Variants in LAMA4 observed in about 807,000 individuals in gnomAD.
LAMA4 encodes laminin subunit alpha 4, also known as laminin subunit alpha-4.
In LAMA4, 127 loss-of-function variants were observed where a neutral mutation model predicts 207.1. The ratio of observed to expected loss-of-function variants is 0.61; its 90% CI spans 0.53 to 0.71. The LOEUF is 0.71. LAMA4 is among the 30% of genes least tolerant of loss of function. LAMA4 has a pLI of 0.00. For synonymous variants in LAMA4, 761 were observed against 816.0 expected (o/e 0.93, Z 1.15); for missense variants, 2,093 against 2,246.5 (o/e 0.93, Z 1.38).
intron 5 of LAMA4, among the ~76,000 whole-genome samples, chr6:112,195,024 A>G (rs1783330564): frequency 6.6e-6 from 1 of 152,200 alleles, no homozygotes; most frequent in Admixed American, 6.5e-5. Context: ...AGAAAAAAAG[A>G]TTATTTTGAC....
At chr6:112,121,374 TACTGATTCTGCCTATTAGGCAGGTAGCAA>T (rs760911568) in intron 32 of LAMA4, among the ~76,000 whole-genome samples, 33 of 152,358 alleles carry the variant, frequency 2.2e-4, no homozygotes, top group Non-Finnish European at 4.0e-4. Flanking sequence ...AAATACAAAA[TACTGATTCTGCCTATTAGGCAGGTAGCAA>T]ATTATAAGGT....
chr6:112,144,980 TATTTC>T lies in LAMA4; in HGVS notation c.2354-52_2354-48del, dbSNP rs537612111. 222 of 1,497,538 alleles carry T rather than the reference TATTTC, an allele frequency of 1.5e-4. 1 individual carries two copies. The East Asian group carries it at 5.3e-3, about 36-fold the overall frequency. 92.8% of individuals were successfully genotyped at this position (1,497,538 alleles called of 1,614,324 possible). A position where few individuals can be genotyped will look rare whatever the true frequency, so the allele number is the denominator to read the frequency against. ...CATTTAAGAAAATAACTCAATATTA[TATTTC>T]AAGAATCAGATGTAGACAATAAACA... is the stretch of plus-strand genomic sequence containing the variant. On this transcript the variant is annotated intron_variant, in intron 18 of 38. Transcript: ENST00000230538.
At chr6:112,119,858 T>C (rs1778246038) in intron 33 of LAMA4, among the ~76,000 whole-genome samples, 1 of 152,228 alleles carries the variant, frequency 6.6e-6, no homozygotes, top group African/African-American at 2.4e-5. Context: ...ACTCTTGACA[T>C]TACATACCCA....
At chr6:112,213,044 C>T (rs1554357310) in intron 3 of LAMA4, among the ~76,000 whole-genome samples, 2 of 152,170 alleles carry the variant, frequency 1.3e-5, no homozygotes, top group Non-Finnish European at 2.9e-5. Context: ...GGATTGCTTC[C>T]CTTCTCATTG....
intron 2 of LAMA4, among the ~76,000 whole-genome samples, chr6:112,246,136 CCA>C (rs1786904292): frequency 6.6e-6 from 1 of 152,164 alleles, no homozygotes; most frequent in Non-Finnish European, 1.5e-5. Flanking sequence ...TTTAACTTTA[CCA>C]CACCAAGAGC....
intron 2 of LAMA4, among the ~76,000 whole-genome samples, chr6:112,248,150 G>T (rs1554189011): frequency 6.6e-6 from 1 of 152,162 alleles, no homozygotes; most frequent in African/African-American, 2.4e-5. Flanking sequence ...GGAGATTGAT[G>T]GTGATGGTTT....
At chr6:112,180,611 C>T (rs1782299532) in intron 9 of LAMA4, among the ~76,000 whole-genome samples, 1 of 152,156 alleles carries the variant, frequency 6.6e-6, no homozygotes, top group Non-Finnish European at 1.5e-5. Flanking sequence ...GAAAATTCTT[C>T]TTGTACATAT....
chr6:112,200,929 G>A (rs1428934599), intron 5 of LAMA4, among the ~76,000 whole-genome samples: 3 of 151,964 alleles, frequency 2.0e-5, no homozygotes, highest in Non-Finnish European at 2.9e-5. Flanking sequence ...AATACCTAAT[G>A]TGGATGACGG....
At chr6:112,165,632 T>C (rs1042242678) in intron 12 of LAMA4, among the ~76,000 whole-genome samples, 6 of 152,316 alleles carry the variant, frequency 3.9e-5, no homozygotes, top group Admixed American at 3.9e-4. Flanking sequence ...TTTGCAGTGA[T>C]TGGAATATGA....
At chr6:112,168,955 A>C (rs1303951350) in intron 12 of LAMA4, among the ~76,000 whole-genome samples, 1 of 152,184 alleles carries the variant, frequency 6.6e-6, no homozygotes, top group Non-Finnish European at 1.5e-5. Context: ...CCATGAGCAA[A>C]GGCAATAAGT....
intron 5 of LAMA4, among the ~76,000 whole-genome samples, 156 bp from the exon 6 acceptor site, chr6:112,192,006 C>T (rs1030878691): frequency 1.3e-5 from 2 of 152,202 alleles, no homozygotes; most frequent in African/African-American, 4.8e-5. Context: ...GACCAGATTT[C>T]GTTTTTAAGG....
In LAMA4 at chr6:112,154,961, GA is replaced by G. The variant is rs781956090; in HGVS notation, c.1960-15del. 5.2e-6 allele frequency: 8 copies of G among 1,544,930 alleles called. No homozygotes were observed. Among genetic ancestry groups the G allele is most frequent in the Non-Finnish European group, 6.3e-6 (7 of 1,117,666 alleles). On this transcript the variant is annotated splice_polypyrimidine_tract_variant and intron_variant, in intron 15 of 38. Coordinates refer to ENST00000230538, the MANE Select transcript of LAMA4 (RefSeq NM_001105206.3). Reference sequence around the variant, plus strand: ...CCCACTCACCGCCTACAAAGGAATTGAGAGAAGAGGGTAAAAATGACAGCAG... The same window carrying G: ...CCCACTCACCGCCTACAAAGGAATTGGAGAAGAGGGTAAAAATGACAGCAG...
rs113978248 is a variant in LAMA4, at chr6:112,229,289, G to A, written c.196-12820C>T. 2.8e-3 allele frequency among the ~76,000 whole-genome samples: 433 copies of A among 152,172 alleles called. 2 individuals are homozygous for A. The highest frequency in any genetic ancestry group is 9.9e-3 in the African/African-American group (409 of 41,520). On this transcript the variant is annotated intron_variant, in intron 2 of 38. Coordinates refer to ENST00000230538, the MANE Select transcript of LAMA4 (RefSeq NM_001105206.3). Reference sequence around the variant, plus strand: ...CCATTTCTCACTTTCTTTGTTGGTGGAGAGCAGCCCATCTCCCTTGCTTTC... The same window carrying A: ...CCATTTCTCACTTTCTTTGTTGGTGAAGAGCAGCCCATCTCCCTTGCTTTC...
chr6:112,197,540 C>T lies in LAMA4; in HGVS notation c.503+4068G>A, dbSNP rs186230156. ...TTTCAAACATGAAGCTAGGTAGAAACTCCTTATGTCTATGGTTTTTACATG... is the reference window on the plus strand; with the variant it reads ...TTTCAAACATGAAGCTAGGTAGAAATTCCTTATGTCTATGGTTTTTACATG... On this transcript the variant is annotated intron_variant, in intron 5 of 38. Transcript: ENST00000230538. Among the ~76,000 whole-genome samples, 329 of 152,288 alleles carry T rather than the reference C, an allele frequency of 2.2e-3. 3 individuals carry two copies. The highest frequency in any genetic ancestry group is 6.7e-3 in the African/African-American group (277 of 41,570).
intron 28 of LAMA4, among the ~76,000 whole-genome samples, 200 bp downstream of exon 28, chr6:112,132,553 A>G (rs1562642645): frequency 6.6e-6 from 1 of 152,196 alleles, no homozygotes; most frequent in South Asian, 2.1e-4. Context: ...GGGTGGGTCT[A>G]TGAATTCCAG....
intron 13 of LAMA4, among the ~76,000 whole-genome samples, chr6:112,161,234 T>G (rs1781033950): frequency 6.6e-6 from 1 of 152,350 alleles, no homozygotes; most frequent in East Asian, 1.9e-4. Context: ...CCATGTGTTT[T>G]TATTATTCAT....
chr6:112,190,935 CT>C (rs376000544), intron 6 of LAMA4, among the ~76,000 whole-genome samples: 1 of 59,304 alleles, frequency 1.7e-5, no homozygotes, highest in South Asian at 6.3e-4. Context: ...TTCTTTCTTT[CT>C]TTCTTTCTTT....
chr6:112,230,695 G>T (rs1054112613), intron 2 of LAMA4, among the ~76,000 whole-genome samples: 1 of 152,158 alleles, frequency 6.6e-6, no homozygotes, highest in East Asian at 1.9e-4. Flanking sequence ...CAATGTTTAA[G>T]TTAGTAGTTC....
At chr6:112,235,156 T>G (rs150855387) in intron 2 of LAMA4, among the ~76,000 whole-genome samples, 1 of 152,158 alleles carries the variant, frequency 6.6e-6, no homozygotes, top group Admixed American at 6.5e-5. Context: ...TTGCAGACCA[T>G]GTGGGGCTGC....
Sources: allele counts gnomAD v4.1 joint callset (sites outside exome capture counted in the v4.1 genomes callset), GRCh38; gene constraint gnomAD v4.1.1; transcripts MANE v1.5; gene names NCBI Gene and HGNC (gene_info 2026-07-23, HGNC 2026-07-21).